NRG3: variants seen among roughly 807,000 people sequenced by gnomAD.
NRG3 encodes the protein pro-neuregulin-3, membrane-bound isoform.
NRG3 carries 31 observed loss-of-function variants against 66.9 expected under a neutral mutation model. The observed-to-expected ratio is 0.46, with a 90% confidence interval of 0.35 to 0.63. NRG3 has a LOEUF of 0.63. Among genes scored for constraint, NRG3 ranks in the 20% least tolerant of loss-of-function variants. The pLI, the probability that NRG3 is intolerant of heterozygous loss-of-function variation, is 0.00. For missense variants in NRG3, 910 were observed against 878.9 expected, an observed-to-expected ratio of 1.04 and a Z score of -0.45; for synonymous variants, 393 against 359.4, an observed-to-expected ratio of 1.09 and a Z score of -1.06.
intron 2 of NRG3, among the ~76,000 whole-genome samples, chr10:82,550,852 C>T (rs1486592572): frequency 6.6e-6 from 1 of 151,910 alleles, no homozygotes; most frequent in Non-Finnish European, 1.5e-5. Context: ...GTACCTACGC[C>T]CAACTTCTTC....
At chr10:82,649,789 G>C (rs55670258) in intron 2 of NRG3, among the ~76,000 whole-genome samples, 20,894 of 151,920 alleles carry the variant, frequency 0.14, 1,586 homozygotes, top group East Asian at 0.23. Context: ...GATGATCTTT[G>C]GGACACAGCC....
At chr10:82,577,171 G>A (rs2046080588) in intron 2 of NRG3, among the ~76,000 whole-genome samples, 2 of 151,852 alleles carry the variant, frequency 1.3e-5, no homozygotes, top group Middle Eastern at 3.4e-3. Context: ...CCAAGATCAT[G>A]TGTCTTATTC....
chr10:82,182,508 A>G (rs947175852), intron 1 of NRG3, among the ~76,000 whole-genome samples: 1 of 151,158 alleles, frequency 6.6e-6, no homozygotes, highest in East Asian at 1.9e-4. Flanking sequence ...ACATACAAAA[A>G]CTCTTCACTT....
chr10:82,347,432 C>T lies in NRG3; in HGVS notation c.824-11307C>T, dbSNP rs376740182. 5.8e-3 allele frequency among the ~76,000 whole-genome samples: 878 copies of T among 152,136 alleles called. 11 individuals carry two copies. Among genetic ancestry groups the T allele is most frequent in the African/African-American group, 0.017 (693 of 41,450 alleles). ...TTTGATTGCACTGTGGTCTGAGAGA[C>T]AGTTTGTTATAATCTCTGTTCTTTT... On this transcript the variant is annotated intron_variant, in intron 1 of 8. Transcript: ENST00000372141.
At chr10:82,759,050 C>T (rs1343474235) in intron 3 of NRG3, among the ~76,000 whole-genome samples, 1 of 151,962 alleles carries the variant, frequency 6.6e-6, no homozygotes, top group Non-Finnish European at 1.5e-5. Context: ...GGAGGTAGGA[C>T]CTAGTGAGAG....
intron 1 of NRG3, among the ~76,000 whole-genome samples, chr10:82,010,189 C>T (rs972983290): frequency 1.3e-5 from 2 of 152,134 alleles, no homozygotes; most frequent in African/African-American, 4.8e-5. Flanking sequence ...GAAAGAATTT[C>T]ATCTTTATTT....
chr10:81,917,774 C>T (rs1589448338), intron 1 of NRG3, among the ~76,000 whole-genome samples: 1 of 152,240 alleles, frequency 6.6e-6, no homozygotes, highest in East Asian at 1.9e-4. Flanking sequence ...ACGTGTTTTT[C>T]CCTGACCCCC....
chr10:81,995,982 G>T (rs1044178691), intron 1 of NRG3, among the ~76,000 whole-genome samples: 5 of 152,152 alleles, frequency 3.3e-5, no homozygotes, highest in Non-Finnish European at 5.9e-5. Flanking sequence ...ATCTGCTCAT[G>T]ATCCTTTACA....
chr10:82,200,863 T>G (rs987932164), intron 1 of NRG3, among the ~76,000 whole-genome samples: 4 of 151,964 alleles, frequency 2.6e-5, no homozygotes, highest in African/African-American at 9.7e-5. Flanking sequence ...GCACACCAAC[T>G]TCACACTCAG....
chr10:82,323,135 A>G (rs1232844340), intron 1 of NRG3, among the ~76,000 whole-genome samples: 2 of 152,196 alleles, frequency 1.3e-5, no homozygotes, highest in African/African-American at 2.4e-5. Flanking sequence ...TCAGTCTCTA[A>G]ATTATGACAG....
At chr10:82,373,443 G>A (rs1310497981) in intron 2 of NRG3, among the ~76,000 whole-genome samples, 2 of 152,188 alleles carry the variant, frequency 1.3e-5, no homozygotes, top group Non-Finnish European at 2.9e-5. Flanking sequence ...TTAGAGCCTG[G>A]CCTCCCTGGA....
At chr10:82,003,046 G>T (rs1052244186) in intron 1 of NRG3, among the ~76,000 whole-genome samples, 1 of 152,174 alleles carries the variant, frequency 6.6e-6, no homozygotes. Context: ...CCCTAGTTGT[G>T]ATTAGTTCAA....
intron 2 of NRG3, among the ~76,000 whole-genome samples, chr10:82,567,670 A>C (rs1214516755): frequency 6.6e-6 from 1 of 151,924 alleles, no homozygotes; most frequent in Non-Finnish European, 1.5e-5. Flanking sequence ...TGTCTCTATA[A>C]ATGATCCTGT....
chr10:82,886,690 T>TA (rs1469457002), intron 4 of NRG3, among the ~76,000 whole-genome samples: 2 of 152,178 alleles, frequency 1.3e-5, no homozygotes, highest in Non-Finnish European at 2.9e-5. Context: ...TTCTTATACT[T>TA]ACTGAGAACT....
At chr10:82,785,697 G>A (rs964306692) in intron 3 of NRG3, among the ~76,000 whole-genome samples, 1 of 152,150 alleles carries the variant, frequency 6.6e-6, no homozygotes, top group African/African-American at 2.4e-5. Context: ...ACAGAGCTAC[G>A]TGACTTCTTT....
At chr10:82,157,335 A>G (rs1042407847) in intron 1 of NRG3, among the ~76,000 whole-genome samples, 3 of 151,756 alleles carry the variant, frequency 2.0e-5, no homozygotes, top group African/African-American at 7.2e-5. Flanking sequence ...AAAGATATTT[A>G]ATAGCTACAA....
At chr10:82,407,217 G>A (rs1370496535) in intron 2 of NRG3, among the ~76,000 whole-genome samples, 4 of 152,134 alleles carry the variant, frequency 2.6e-5, no homozygotes, top group Admixed American at 6.5e-5. Flanking sequence ...AGACACAGAA[G>A]AGAACAATTA....
intron 4 of NRG3, among the ~76,000 whole-genome samples, chr10:82,904,082 G>T (rs541114606): frequency 2.7e-4 from 41 of 152,140 alleles, no homozygotes; most frequent in Middle Eastern, 3.4e-3. Context: ...TTTTCTAAAA[G>T]TTCAGACATG....
intron 1 of NRG3, among the ~76,000 whole-genome samples, chr10:81,966,649 T>A (rs1480025671): frequency 6.6e-6 from 1 of 152,124 alleles, no homozygotes; most frequent in Non-Finnish European, 1.5e-5. Context: ...AATATAAGAA[T>A]GATCAAGACA....
Sources: allele counts gnomAD v4.1 joint callset (sites outside exome capture counted in the v4.1 genomes callset), GRCh38; gene constraint gnomAD v4.1.1; transcripts MANE v1.5; gene names NCBI Gene and HGNC (gene_info 2026-07-23, HGNC 2026-07-21).